The following ACTR3 variants were observed in gnomAD, a reference collection of about 807,000 sequenced individuals.
The protein encoded by ACTR3 is actin-related protein 3.
ACTR3 carries 12 observed loss-of-function variants against 56.8 expected under a neutral mutation model. The ratio of observed to expected loss-of-function variants is 0.21; its 90% CI spans 0.14 to 0.34. The LOEUF is 0.34. Ranked by LOEUF, ACTR3 falls within the 10% of genes least tolerant of loss-of-function variation. ACTR3 has a pLI of 1.00. For synonymous variants in ACTR3, 162 were observed against 167.4 expected (o/e 0.97, Z 0.25); for missense variants, 282 against 512.5 (o/e 0.55, Z 4.34).
At chr2:113,945,399 GAT>G (rs1286966726) in intron 8 of ACTR3, among the ~76,000 whole-genome samples, 4 of 152,018 alleles carry the variant, frequency 2.6e-5, no homozygotes. Flanking sequence ...GCTGTTTCTT[GAT>G]ATGTCACTGT....
At chr2:113,912,168 G>A (rs1246076998) in intron 1 of ACTR3, among the ~76,000 whole-genome samples, 1 of 151,780 alleles carries the variant, frequency 6.6e-6, no homozygotes, top group Admixed American at 6.6e-5. Flanking sequence ...GAGCCACCAC[G>A]TCAGGCCCCC....
At chr2:113,943,847 AGTCATCACCCTTT>A (rs1217026248) in intron 8 of ACTR3, among the ~76,000 whole-genome samples, 2 of 152,218 alleles carry the variant, frequency 1.3e-5, no homozygotes, top group Non-Finnish European at 2.9e-5. Context: ...GGTGTTGTAA[AGTCATCACCCTTT>A]GTGGGGCACA....
intron 1 of ACTR3, chr2:113,905,239 G>A (rs987395159): frequency 6.6e-6 from 1 of 151,942 alleles, no homozygotes; most frequent in Admixed American, 6.6e-5. Flanking sequence ...TGCTGAGGCT[G>A]GCAGGTCACG....
chr2:113,920,076 A>G (rs1679479209), intron 3 of ACTR3, among the ~76,000 whole-genome samples: 1 of 152,180 alleles, frequency 6.6e-6, no homozygotes, highest in Non-Finnish European at 1.5e-5. Context: ...GGCATGTGCC[A>G]CCACGCCGGA....
rs1341444442 is a variant in ACTR3, at chr2:113,942,296, A to G, written c.795A>G (p.Lys265=). The change falls in exon 8 of 12, where the codon AAA becomes AAG. Residue 265 remains lysine (K), a synonymous_variant. Coordinates refer to ENST00000263238, the MANE Select transcript of ACTR3 (RefSeq NM_005721.5). ...CTGGAATCAATGCTATCTCAAAGAAAGAGTTTTCTATCGATGTTGGTTATG... is the reference window on the plus strand; with the variant it reads ...CTGGAATCAATGCTATCTCAAAGAAGGAGTTTTCTATCGATGTTGGTTATG... ...QYTGINAISK[K]EFSIDVGYER... 1.9e-6 allele frequency: 3 copies of G among 1,603,930 alleles called. No homozygotes were observed. The East Asian group carries it at 6.8e-5, about 36-fold the overall frequency.
chr2:113,953,164 TA>T (rs1486174198), intron 10 of ACTR3: 12 of 152,206 alleles, frequency 7.9e-5, no homozygotes, highest in Admixed American at 7.9e-4. Flanking sequence ...TTTCTGAGTA[TA>T]GTATTTTAAA....
intron 6 of ACTR3, among the ~76,000 whole-genome samples, chr2:113,939,347 T>C (rs1451549429): frequency 6.6e-6 from 1 of 152,228 alleles, no homozygotes; most frequent in African/African-American, 2.4e-5. Flanking sequence ...TTATAAATTG[T>C]CCTGTTTTCT....
intron 1 of ACTR3, among the ~76,000 whole-genome samples, chr2:113,907,622 A>T (rs557949906): frequency 6.6e-6 from 1 of 152,306 alleles, no homozygotes; most frequent in East Asian, 1.9e-4. Context: ...AAAATAAATT[A>T]TACTGATAGG....
At position 113,961,311 on chromosome 2, in the gene ACTR3, T is replaced by C. The variant is rs1315826773; in HGVS notation, c.*3856T>C. 1 of 151,916 alleles carries C rather than the reference T, an allele frequency of 6.6e-6. No homozygotes were observed. Among genetic ancestry groups the C allele is most frequent in the African/African-American group, 2.4e-5 (1 of 41,386 alleles). 9.4% of individuals were successfully genotyped at this position (151,916 alleles called of 1,614,324 possible). The stretch of plus-strand genomic sequence containing the variant: ...TTGGAGCTTGGGTGCTGAAATTAAA[T>C]ATAACCTATTTGAGTTAAGGATTTA... On this transcript the variant is annotated 3_prime_UTR_variant, in exon 12 of 12. Transcript: ENST00000263238.
At chr2:113,893,121 A>G (rs937155008) in intron 1 of ACTR3, among the ~76,000 whole-genome samples, 4 of 152,206 alleles carry the variant, frequency 2.6e-5, no homozygotes, top group Admixed American at 6.5e-5. Context: ...AAACTAAATA[A>G]CAGAACTCAA....
chr2:113,960,526 C>G lies in ACTR3; in HGVS notation c.*3071C>G, dbSNP rs929832306. On this transcript the variant is annotated 3_prime_UTR_variant, in exon 12 of 12. Transcript: ENST00000263238. ...ATCTATAGAAACTTCTTTCAGATAACCCTAAAGATGATACTAGAATGTTTA... is the reference window on the plus strand; with the variant it reads ...ATCTATAGAAACTTCTTTCAGATAAGCCTAAAGATGATACTAGAATGTTTA... The G allele has an allele frequency of 6.6e-6, 1 of 151,844 alleles. No individual in the cohort carries two copies. The highest frequency in any genetic ancestry group is 2.4e-5 in the African/African-American group (1 of 41,386). The allele number at this position is 151,844 out of a possible 1,614,324, so 9.4% of individuals were successfully genotyped here.
At chr2:113,911,990 T>G (rs1013173777) in intron 1 of ACTR3, among the ~76,000 whole-genome samples, 1 of 152,130 alleles carries the variant, frequency 6.6e-6, no homozygotes, top group Non-Finnish European at 1.5e-5. Flanking sequence ...TCCACCTGCC[T>G]CAGCCTCCCA....
At chr2:113,954,277 C>T (rs1680170884) in intron 10 of ACTR3, 1 of 151,048 alleles carries the variant, frequency 6.6e-6, no homozygotes, top group African/African-American at 2.5e-5. Context: ...TGAGGAGACA[C>T]TTTCAGACTA....
At position 113,928,699 on chromosome 2, in the gene ACTR3, A is replaced by G. The variant is rs1290424589; in HGVS notation, c.336+1244A>G. Among the ~76,000 whole-genome samples, 4 of 11,050 alleles carry G rather than the reference A, an allele frequency of 3.6e-4. No individual in the cohort carries two copies. In the Admixed American group the frequency reaches 4.3e-3, roughly 12 times the overall value. 7.2% of individuals were successfully genotyped at this position (11,050 alleles called of 152,430 possible). A position where few individuals can be genotyped will look rare whatever the true frequency, so the allele number is the denominator to read the frequency against. On this transcript the variant is annotated intron_variant, in intron 4 of 11. Transcript: ENST00000263238. Reference sequence around the variant, plus strand: ...AATTCATAGGTATGTCTGTGTTCCAATAAATTTTTTTTTTTTACCAAAACA... The same window carrying G: ...AATTCATAGGTATGTCTGTGTTCCAGTAAATTTTTTTTTTTTACCAAAACA...
intron 2 of ACTR3, among the ~76,000 whole-genome samples, chr2:113,914,630 A>AAAAG (rs1486100318): frequency 1.1e-4 from 16 of 148,952 alleles, no homozygotes; most frequent in African/African-American, 3.6e-4. Context: ...AAAAAAAAAA[A>AAAAG]AAAGAAAGAA....
chr2:113,946,177 T>C (rs1266574364), intron 8 of ACTR3, among the ~76,000 whole-genome samples: 1 of 152,228 alleles, frequency 6.6e-6, no homozygotes, highest in Non-Finnish European at 1.5e-5. Context: ...TGAATATTTA[T>C]GTTTTAGGTT....
chr2:113,941,569 A>T (rs1679926045), intron 7 of ACTR3, among the ~76,000 whole-genome samples: 1 of 152,056 alleles, frequency 6.6e-6, no homozygotes, highest in South Asian at 2.1e-4. Context: ...AATAAAACAA[A>T]TATTGGTTGG....
chr2:113,957,015 T>C (rs955712064), intron 11 of ACTR3, among the ~76,000 whole-genome samples: 1 of 152,240 alleles, frequency 6.6e-6, no homozygotes, highest in Non-Finnish European at 1.5e-5. Context: ...CGAATGCCGC[T>C]TCTTTACATT....
chr2:113,891,763 A>C (rs1678906397), intron 1 of ACTR3, among the ~76,000 whole-genome samples: 5 of 152,132 alleles, frequency 3.3e-5, no homozygotes, highest in Admixed American at 1.3e-4. Flanking sequence ...TTAGGTAGAG[A>C]GAAACCACCA....
Sources: allele counts gnomAD v4.1 joint callset (sites outside exome capture counted in the v4.1 genomes callset), GRCh38; gene constraint gnomAD v4.1.1; transcripts MANE v1.5; gene names NCBI Gene and HGNC (gene_info 2026-07-23, HGNC 2026-07-21).